MAGI1: variants seen among roughly 807,000 people sequenced by gnomAD.
The protein encoded by MAGI1 is membrane associated guanylate kinase, WW and PDZ domain containing 1, also known as membrane-associated guanylate kinase, WW and PDZ domain-containing protein 1.
MAGI1 carries 58 observed loss-of-function variants against 139.9 expected under a neutral mutation model. That is an observed-to-expected ratio of 0.41 (90% CI 0.34 to 0.52). The LOEUF is 0.52. Ranked by LOEUF, MAGI1 falls within the 20% of genes least tolerant of loss-of-function variation. The pLI, the probability that MAGI1 is intolerant of heterozygous loss-of-function variation, is 0.12. For synonymous variants in MAGI1, 812 were observed against 737.9 expected (o/e 1.10, Z -1.63); for missense variants, 1,874 against 1,901.6 (o/e 0.99, Z 0.27).
At chr3:65,962,220 C>G (rs116169851) in intron 1 of MAGI1, among the ~76,000 whole-genome samples, 30 of 150,722 alleles carry the variant, frequency 2.0e-4, no homozygotes, top group Non-Finnish European at 4.1e-4. Context: ...CAGTGGTTCA[C>G]GCCATTCTCC....
chr3:65,708,532 A>C (rs920943404), intron 1 of MAGI1, among the ~76,000 whole-genome samples: 12 of 152,116 alleles, frequency 7.9e-5, no homozygotes, highest in Admixed American at 7.9e-4. Flanking sequence ...TTTGGGGAGA[A>C]AGTGCTCAAT....
chr3:66,023,107 A>G (rs146589313), intron 1 of MAGI1, among the ~76,000 whole-genome samples: 59 of 152,346 alleles, frequency 3.9e-4, no homozygotes, highest in African/African-American at 1.1e-3. Context: ...GGATCGGGGC[A>G]TACAGTAGTC....
intron 1 of MAGI1, among the ~76,000 whole-genome samples, chr3:65,730,196 G>C (rs1293424843): frequency 6.7e-6 from 1 of 148,378 alleles, no homozygotes; most frequent in Non-Finnish European, 1.5e-5. Context: ...GCAAATAAGA[G>C]AATCTTTGCA....
At chr3:65,811,674 A>T (rs1371310865) in intron 1 of MAGI1, among the ~76,000 whole-genome samples, 1 of 152,198 alleles carries the variant, frequency 6.6e-6, no homozygotes, top group Non-Finnish European at 1.5e-5. Context: ...TAGCAAAAAT[A>T]AATAAATAAA....
chr3:65,993,572 TG>T (rs2066289161), intron 1 of MAGI1, among the ~76,000 whole-genome samples: 1 of 152,208 alleles, frequency 6.6e-6, no homozygotes, highest in African/African-American at 2.4e-5. Flanking sequence ...CCCAAAAACT[TG>T]TTCACCATTG....
intron 1 of MAGI1, among the ~76,000 whole-genome samples, chr3:65,794,874 C>T (rs955187559): frequency 4.0e-5 from 6 of 148,422 alleles, no homozygotes; most frequent in South Asian, 4.2e-4. Flanking sequence ...ACAAACTATC[C>T]GGGTATAAGA....
intron 2 of MAGI1, among the ~76,000 whole-genome samples, chr3:65,606,234 G>A (rs1045968076): frequency 6.6e-6 from 1 of 152,138 alleles, no homozygotes; most frequent in Non-Finnish European, 1.5e-5. Context: ...AGTCAAACAC[G>A]TATCTTTCCA....
At chr3:65,841,927 C>T (rs2058821236) in intron 1 of MAGI1, among the ~76,000 whole-genome samples, 1 of 151,990 alleles carries the variant, frequency 6.6e-6, no homozygotes, top group African/African-American at 2.4e-5. Flanking sequence ...AACTGGGGTT[C>T]ATTTCAAAAA....
chr3:65,654,033 G>C (rs1332500422), intron 1 of MAGI1, among the ~76,000 whole-genome samples: 7 of 152,190 alleles, frequency 4.6e-5, no homozygotes, highest in Admixed American at 4.6e-4. Context: ...GGTGAGATTA[G>C]AGATGATTAA....
At chr3:65,446,984 A>G (rs771304040) in intron 7 of MAGI1, among the ~76,000 whole-genome samples, 18 of 152,234 alleles carry the variant, frequency 1.2e-4, no homozygotes, top group Non-Finnish European at 2.1e-4. Context: ...CTCACGTAAC[A>G]AAAATAAAGA....
At chr3:65,780,231 C>A (rs1237198283) in intron 1 of MAGI1, among the ~76,000 whole-genome samples, 1 of 152,080 alleles carries the variant, frequency 6.6e-6, no homozygotes. Flanking sequence ...GCCATGTTGC[C>A]CAGGCTGGTC....
chr3:65,357,167 A>G (rs1297351186), intron 22 of MAGI1, 35 bp from the exon 23 acceptor site: 2 of 1,568,722 alleles, frequency 1.3e-6, no homozygotes, highest in East Asian at 4.5e-5. Context: ...ACAGTTGGGT[A>G]CGAAGGTCCC....
chr3:66,008,736 A>T (rs1367557879), intron 1 of MAGI1: 1 of 152,214 alleles, frequency 6.6e-6, no homozygotes, highest in Non-Finnish European at 1.5e-5. Context: ...GCCAAAGAGG[A>T]AAGGCTTGTG....
chr3:65,817,969 A>T (rs749651862), intron 1 of MAGI1, among the ~76,000 whole-genome samples: 2 of 152,182 alleles, frequency 1.3e-5, no homozygotes, highest in Non-Finnish European at 2.9e-5. Flanking sequence ...TAATTGTTCC[A>T]TTCTAGTTAC....
chr3:65,999,862 G>C (rs990895368), intron 1 of MAGI1, among the ~76,000 whole-genome samples: 1 of 150,850 alleles, frequency 6.6e-6, no homozygotes, highest in African/African-American at 2.4e-5. Flanking sequence ...TAACCACACA[G>C]AGTTAACCTT....
At position 65,806,829 on chromosome 3, in the gene MAGI1, A is replaced by G. The variant is rs143325001; in HGVS notation, c.314-184741T>C. 8.3e-3 allele frequency among the ~76,000 whole-genome samples: 1,261 copies of G among 152,256 alleles called. 20 individuals carry two copies. The highest frequency in any genetic ancestry group is 0.029 in the African/African-American group (1,196 of 41,546). ...ACACCCCATAGTTTGTGACTATAAAAACTGTTCCAGACATTCCAAATGTCC... is the reference window on the plus strand; with the variant it reads ...ACACCCCATAGTTTGTGACTATAAAGACTGTTCCAGACATTCCAAATGTCC... On this transcript the variant is annotated intron_variant, in intron 1 of 22. Transcript: ENST00000402939.
At chr3:65,773,248 G>A (rs1274790997) in intron 1 of MAGI1, among the ~76,000 whole-genome samples, 2 of 152,212 alleles carry the variant, frequency 1.3e-5, no homozygotes, top group Non-Finnish European at 2.9e-5. Context: ...CTTAAGAGTA[G>A]GGGGTCGGGC....
Position 65,548,044 on chromosome 3 carries a change from A to C in MAGI1, c.431-54413T>G, listed in dbSNP as rs185858415. On this transcript the variant is annotated intron_variant, in intron 2 of 22. Coordinates refer to ENST00000402939, the MANE Select transcript of MAGI1 (RefSeq NM_001033057.2). ...CAGAGCTCCTCAAGCAAAGGTCTCC[A>C]ATAACCTCCTGCAACCCTGCGGCAA... is the stretch of plus-strand genomic sequence containing the variant. Among the ~76,000 whole-genome samples the C allele has an allele frequency of 7.6e-4, 116 of 152,346 alleles. 2 individuals are homozygous for C. The highest frequency in any genetic ancestry group is 2.6e-3 in the African/African-American group (110 of 41,582).
intron 1 of MAGI1, among the ~76,000 whole-genome samples, chr3:65,846,725 T>A (rs1434088690): frequency 6.6e-6 from 1 of 152,138 alleles, no homozygotes; most frequent in East Asian, 1.9e-4. Context: ...AGAGGTAAAG[T>A]AACTTACCCA....
Sources: allele counts gnomAD v4.1 joint callset (sites outside exome capture counted in the v4.1 genomes callset), GRCh38; gene constraint gnomAD v4.1.1; transcripts MANE v1.5; gene names NCBI Gene and HGNC (gene_info 2026-07-23, HGNC 2026-07-21).